The following FGF17 variants were observed in gnomAD, a reference collection of about 807,000 sequenced individuals.
FGF17 encodes fibroblast growth factor 17.
FGF17 carries 5 observed loss-of-function variants against 23.5 expected under a neutral mutation model. The observed-to-expected ratio is 0.21, with a 90% CI of 0.11 to 0.45. FGF17 has a LOEUF of 0.45. FGF17 is among the 20% of genes least tolerant of loss of function. The pLI is 0.99. For synonymous variants in FGF17, 136 were observed against 123.0 expected (o/e 1.11, Z -0.70); for missense variants, 221 against 306.9 (o/e 0.72, Z 2.09).
intron 2 of FGF17, 140 bp from the exon 3 acceptor site, chr8:22,045,974 T>C (rs1800856630): frequency 6.4e-7 from 1 of 1,562,936 alleles, no homozygotes; most frequent in African/African-American, 1.4e-5. Flanking sequence ...GGGAAGGCTA[T>C]GGCCATATGC....
chr8:22,048,197 C>A lies in FGF17; in HGVS notation c.599C>A (p.Ser200Tyr). ...CAGAAGCAGTTCGAGTTTGTGGGCT[C>A]CGCCCCCACCCGCCGGACCAAGCGC... Reference protein sequence around the residue: ...EKQKQFEFVGSAPTRRTKRTR... With the variant: ...EKQKQFEFVGYAPTRRTKRTR... The change falls in exon 5 of 5, where the codon TCC becomes TAC. Residue 200 changes from serine (S) to tyrosine (Y), a missense_variant. By Grantham distance (144) the Ser-to-Tyr change is moderately radical (BLOSUM62 -2). Transcript: ENST00000359441. This position sits in a 1 kb window ranked among gnomAD's most constrained non-coding sequence, Gnocchi z 6.9. 6.2e-7 allele frequency: 1 copy of A among 1,611,468 alleles called. No individual in the cohort carries two copies. The highest frequency in any genetic ancestry group is 8.5e-7 in the Non-Finnish European group (1 of 1,179,356).
upstream of FGF17, among the ~76,000 whole-genome samples, chr8:22,039,937 C>A (rs767106554): frequency 6.6e-6 from 1 of 152,032 alleles, no homozygotes; most frequent in South Asian, 2.1e-4. Flanking sequence ...AGGCGTGAGA[C>A]GACCCCAGCT....
chr8:22,041,939 C>T (rs1310048621), upstream of FGF17, among the ~76,000 whole-genome samples: 1 of 152,220 alleles, frequency 6.6e-6, no homozygotes, highest in Non-Finnish European at 1.5e-5. Flanking sequence ...CGAGCTGCTC[C>T]TAGCTCAGAG....
upstream of FGF17, among the ~76,000 whole-genome samples, chr8:22,041,634 C>T (rs1800739618): frequency 6.6e-6 from 1 of 152,150 alleles, no homozygotes; most frequent in African/African-American, 2.4e-5. Flanking sequence ...CCTGAAAACC[C>T]AGGAAGGCTT....
chr8:22,048,269 C>G lies in FGF17; in HGVS notation c.*20C>G. On this transcript the variant is annotated 3_prime_UTR_variant, in exon 5 of 5. Transcript: ENST00000359441. The surrounding 1 kb of genome is among the most constrained non-coding windows in gnomAD (Gnocchi z 6.9). The stretch of plus-strand genomic sequence containing the variant: ...ACGTAGTCTGGGAGGCAGGGGGCAG[C>G]AGCCCCTGGGCCGCCTCCCCACCCC... 6.4e-7 allele frequency: 1 copy of G among 1,568,588 alleles called. No individual in the cohort carries two copies. The highest frequency in any genetic ancestry group is 8.7e-7 in the Non-Finnish European group (1 of 1,154,654).
upstream of FGF17, among the ~76,000 whole-genome samples, chr8:22,040,038 C>T (rs1399299140): frequency 2.0e-5 from 3 of 152,000 alleles, no homozygotes; most frequent in Non-Finnish European, 2.9e-5. Context: ...TGAACCCCAC[C>T]CCCCCAGCAA....
rs759366103 is a variant in FGF17 at position 22,046,033 on chromosome 8, C to T, written c.73-81C>T. 31 of 1,611,866 alleles carry T rather than the reference C, an allele frequency of 1.9e-5. No individual in the cohort carries two copies. The East Asian group carries it at 6.9e-4, about 36-fold the overall frequency. ...GGCCTGTCCCCACTATATTCACCTC[C>T]TCACCCCTCTCCCTTGGATGGACCA... On this transcript the variant is annotated intron_variant, in intron 2 of 4. Transcript: ENST00000359441.
rs928510935 is a variant in FGF17 at position 22,045,848 on chromosome 8, T to C, written c.73-266T>C. 30 of 1,372,502 alleles carry C rather than the reference T, an allele frequency of 2.2e-5. No homozygotes were observed. In the East Asian group the frequency reaches 7.9e-4, roughly 36 times the overall value. The allele number at this position is 1,372,502 out of a possible 1,614,324, so 85.0% of individuals were successfully genotyped here. A position where few individuals can be genotyped will look rare whatever the true frequency, so the allele number is the denominator to read the frequency against. On this transcript the variant is annotated intron_variant, in intron 2 of 4. Transcript: ENST00000359441. ...TGAGGGCTCCTTCCAGCTCCCAGAG[T>C]CCTGATTCCAGGGCTGTGCTCTGTC...
rs781528347 is a variant in FGF17 at position 22,048,263 on chromosome 8, G to C, written c.*14G>C. ...CCCCTCACGTAGTCTGGGAGGCAGG[G>C]GGCAGCAGCCCCTGGGCCGCCTCCC... On this transcript the variant is annotated 3_prime_UTR_variant, in exon 5 of 5. Coordinates refer to ENST00000359441, the MANE Select transcript of FGF17 (RefSeq NM_003867.4). The surrounding 1 kb of genome is among the most constrained non-coding windows in gnomAD (Gnocchi z 6.9). The C allele has an allele frequency of 6.3e-7, 1 of 1,578,806 alleles. No homozygotes were observed. The highest frequency in any genetic ancestry group is 2.3e-5 in the East Asian group (1 of 43,682).
At chr8:22,043,040 C>A (rs1173618962) in intron 1 of FGF17, 77 bp downstream of exon 1, 2 of 1,601,718 alleles carry the variant, frequency 1.2e-6, no homozygotes, top group East Asian at 4.5e-5. Flanking sequence ...CCCGGGACTC[C>A]CACGCGTGCG....
At position 22,048,006 on chromosome 8, in the gene FGF17, C is replaced by T. The variant is rs1800988180; in HGVS notation, c.408C>T (p.Asn136=). 3.1e-6 allele frequency: 5 copies of T among 1,611,554 alleles called. No homozygotes were observed. In the South Asian group the frequency reaches 5.5e-5, roughly 18 times the overall value. ...TGTTCACGGAGATCGTGCTGGAGAA[C>T]AACTATACGGCCTTCCAGAACGCCC... ...DCVFTEIVLE[N]NYTAFQNARH... The change falls in exon 5 of 5, where the codon AAC becomes AAT. Residue 136 remains asparagine (N), a synonymous_variant. Transcript: ENST00000359441. This position sits in a 1 kb window ranked among gnomAD's most constrained non-coding sequence, Gnocchi z 6.9.
chr8:22,046,395 G>A (rs1041423261), intron 3 of FGF17, 104 bp downstream of exon 3: 3 of 1,469,644 alleles, frequency 2.0e-6, no homozygotes, highest in Non-Finnish European at 2.8e-6. Context: ...CAGGGCTGAG[G>A]GCCCCAAGGG....
At chr8:22,043,430 C>T (rs1800778824) in intron 2 of FGF17, among the ~76,000 whole-genome samples, 1 of 152,192 alleles carries the variant, frequency 6.6e-6, no homozygotes, top group Admixed American at 6.5e-5. Flanking sequence ...GCTCCTCTTC[C>T]TCCCTCTCCA....
At chr8:22,043,569 C>T (rs1365014768) in intron 2 of FGF17, among the ~76,000 whole-genome samples, 1 of 152,142 alleles carries the variant, frequency 6.6e-6, no homozygotes, top group Non-Finnish European at 1.5e-5. Flanking sequence ...ACTTGTATGT[C>T]CTTCTCGCCA....
chr8:22,045,452 A>T, intron 2 of FGF17: 1 of 990,278 alleles, frequency 1.0e-6, no homozygotes, highest in Non-Finnish European at 1.2e-6. Context: ...AGGGAGGAAC[A>T]CTGGAAGGGC....
chr8:22,042,606 G>A (rs1051492380), upstream of FGF17: 49 of 550,700 alleles, frequency 8.9e-5, no homozygotes, highest in East Asian at 7.6e-4. Context: ...GGCCCCCACC[G>A]CTCCATCCCT....
At chr8:22,047,557 A>G (rs1800943154) in intron 4 of FGF17, among the ~76,000 whole-genome samples, 1 of 152,208 alleles carries the variant, frequency 6.6e-6, no homozygotes, top group African/African-American at 2.4e-5. Flanking sequence ...GGGTGGCTGC[A>G]CTGGCACCCT....
rs1379617276 is a variant in FGF17, at chr8:22,048,554, C to A, written c.*305C>A. Reference sequence around the variant, plus strand: ...CTGAAGCCCGCTGAAAGGTCAGCGACTGAAGGCCTTGCAGACAACCGTCTG... The same window carrying A: ...CTGAAGCCCGCTGAAAGGTCAGCGAATGAAGGCCTTGCAGACAACCGTCTG... On this transcript the variant is annotated 3_prime_UTR_variant, in exon 5 of 5. Transcript: ENST00000359441. This position sits in a 1 kb window ranked among gnomAD's most constrained non-coding sequence, Gnocchi z 6.9. 3 of 435,948 alleles carry A rather than the reference C, an allele frequency of 6.9e-6. No homozygotes were observed. The East Asian group carries it at 1.2e-4, about 17-fold the overall frequency. 27.0% of individuals were successfully genotyped at this position (435,948 alleles called of 1,614,324 possible).
upstream of FGF17, among the ~76,000 whole-genome samples, chr8:22,041,777 A>G (rs977181965): frequency 6.6e-5 from 10 of 152,094 alleles, no homozygotes; most frequent in South Asian, 4.2e-4. Flanking sequence ...TGAGCAAACT[A>G]CCTCCCAATG....
Sources: gnomAD v4.1 joint callset for allele counts (sites outside exome capture counted in the v4.1 genomes callset) on GRCh38, gnomAD v4.1.1 for gene constraint, Gnocchi (gnomAD v3.1) non-coding constraint, MANE v1.5 for transcripts, NCBI Gene and HGNC (gene_info 2026-07-23, HGNC 2026-07-21) for gene names.